Variants in NLRP14 observed in about 807,000 individuals in gnomAD.
NLRP14 encodes the protein NLR family pyrin domain containing 14, also known as NACHT, LRR and PYD domains-containing protein 14.
In NLRP14, 105 loss-of-function variants were observed where a neutral mutation model predicts 94.7. The ratio of observed to expected loss-of-function variants is 1.11; its 90% CI spans 0.95 to 1.30. The LOEUF (loss-of-function observed/expected upper bound fraction) is 1.30, where lower values mean the gene tolerates loss of function less well. Ranked by LOEUF, NLRP14 falls within the 50% of genes most tolerant of loss-of-function variation. The pLI, the probability that NLRP14 is intolerant of heterozygous loss-of-function variation, is 0.00. For missense variants in NLRP14, 1,362 were observed against 1,254.1 expected (o/e 1.09, Z -1.30); for synonymous variants, 508 against 459.9 (o/e 1.10, Z -1.34).
chr11:7,057,571 C>A, intron 6 of NLRP14, 106 bp from the exon 7 acceptor site: 2 of 1,105,798 alleles, frequency 1.8e-6, no homozygotes, highest in Non-Finnish European at 2.7e-6. Flanking sequence ...ATTTTTCAGG[C>A]AAGATTCCAA....
chr11:7,058,926 A>G (rs1397959340), intron 8 of NLRP14, among the ~76,000 whole-genome samples: 1 of 151,944 alleles, frequency 6.6e-6, no homozygotes, highest in Admixed American at 6.6e-5. Flanking sequence ...CCAAGGTTTT[A>G]ATTTGGCCAA....
chr11:7,024,177 A>T (rs751864640), intron 1 of NLRP14, among the ~76,000 whole-genome samples: 4 of 152,230 alleles, frequency 2.6e-5, no homozygotes, highest in Non-Finnish European at 5.9e-5. Context: ...GTATAATTTC[A>T]TTGTAACTCT....
intron 6 of NLRP14, among the ~76,000 whole-genome samples, chr11:7,056,587 C>A (rs1852519781): frequency 6.7e-6 from 1 of 148,934 alleles, no homozygotes; most frequent in Non-Finnish European, 1.5e-5. Context: ...AACTATCAAG[C>A]ATTTAATATT....
intron 5 of NLRP14, 123 bp downstream of exon 5, chr11:7,046,955 A>G (rs1852362185): frequency 1.3e-6 from 1 of 787,800 alleles, no homozygotes; most frequent in Non-Finnish European, 2.2e-6. Flanking sequence ...TTTGTAAAAT[A>G]AACAGGAACA....
At chr11:7,088,844 G>A in the NLRP14 span, among the ~76,000 whole-genome samples, 1 of 152,174 alleles carries the variant, frequency 6.6e-6, no homozygotes, top group Non-Finnish European at 1.5e-5. Context: ...CATTGAAGCC[G>A]TTAAGACCGG....
intron 1 of NLRP14, among the ~76,000 whole-genome samples, chr11:7,026,396 C>A (rs1852014116): frequency 6.6e-6 from 1 of 152,184 alleles, no homozygotes; most frequent in South Asian, 2.1e-4. Context: ...CCAAAAGACA[C>A]ATGAGAAAAT....
chr11:7,083,299 A>G, the NLRP14 span, among the ~76,000 whole-genome samples: 123,098 of 152,246 alleles, frequency 0.81, 50,608 homozygotes, highest in East Asian at 0.94. Context: ...TGCCCATTCC[A>G]ATTCTCTACT....
intron 1 of NLRP14, among the ~76,000 whole-genome samples, chr11:7,024,579 G>A (rs1851988958): frequency 6.6e-6 from 1 of 152,108 alleles, no homozygotes; most frequent in African/African-American, 2.4e-5. Flanking sequence ...GAGGTCTCTG[G>A]AATCTGTGTG....
At chr11:7,023,181 A>G (rs535738213) in intron 1 of NLRP14, among the ~76,000 whole-genome samples, 55 of 151,538 alleles carry the variant, frequency 3.6e-4, no homozygotes, top group African/African-American at 1.3e-3. Flanking sequence ...ACCAGAGAAG[A>G]GGAAAGAATA....
chr11:7,039,777 C>T lies in NLRP14; in HGVS notation c.353C>T (p.Ala118Val), dbSNP rs1057254807. 3.1e-6 allele frequency: 5 copies of T among 1,612,994 alleles called. No homozygotes were observed. The African/African-American group carries it at 6.7e-5, about 22-fold the overall frequency. ...KAGETQEDQE[A>V]VLGDGTEYRN... Reference sequence around the variant, plus strand: ...GGAGAGACACAAGAAGATCAGGAGGCAGTGCTGGGTGAGTAGTTAGGCCTT... The same window carrying T: ...GGAGAGACACAAGAAGATCAGGAGGTAGTGCTGGGTGAGTAGTTAGGCCTT... Residue 118 changes from alanine to valine, a missense_variant, in exon 3 of 12, where the codon GCA becomes GTA. Ala to Val is a moderately conservative substitution (Grantham distance 64). Coordinates refer to ENST00000299481, the MANE Select transcript of NLRP14 (RefSeq NM_176822.4).
At chr11:7,079,626 T>G in the NLRP14 span, among the ~76,000 whole-genome samples, 1 of 152,226 alleles carries the variant, frequency 6.6e-6, no homozygotes, top group African/African-American at 2.4e-5. Context: ...TGCAGTTGGC[T>G]TGTGTTGGAA....
intron 6 of NLRP14, among the ~76,000 whole-genome samples, chr11:7,050,553 A>G (rs561143659): frequency 7.9e-5 from 12 of 152,318 alleles, no homozygotes; most frequent in Non-Finnish European, 1.6e-4. Context: ...AGAAGTTTTT[A>G]TAAGCCCTGG....
downstream of NLRP14, among the ~76,000 whole-genome samples, chr11:7,074,309 T>C (rs1021032890): frequency 1.3e-5 from 2 of 152,196 alleles, no homozygotes; most frequent in Non-Finnish European, 2.9e-5. Context: ...GCATAGGTGA[T>C]ACATAGAGAG....
the NLRP14 span, among the ~76,000 whole-genome samples, chr11:7,079,824 C>T: frequency 2.6e-5 from 4 of 152,190 alleles, no homozygotes; most frequent in East Asian, 3.8e-4. Flanking sequence ...GTCTTTCCCC[C>T]ATTGGCTAGG....
chr11:7,080,458 A>G, the NLRP14 span, among the ~76,000 whole-genome samples: 3 of 152,310 alleles, frequency 2.0e-5, no homozygotes, highest in East Asian at 1.9e-4. Context: ...GTCGTGACCA[A>G]TGCAAGATTA....
the NLRP14 span, among the ~76,000 whole-genome samples, chr11:7,081,013 T>A: frequency 2.0e-5 from 3 of 152,080 alleles, no homozygotes; most frequent in Non-Finnish European, 4.4e-5. Flanking sequence ...ACAGAAATCT[T>A]TCTGGCCCAG....
At chr11:7,078,437 CAAAAAAAA>C in the NLRP14 span, among the ~76,000 whole-genome samples, 1 of 15,370 alleles carries the variant, frequency 6.5e-5, no homozygotes, top group South Asian at 6.7e-3. Flanking sequence ...GACTCTGTCT[CAAAAAAAA>C]AAAAAAAAAA....
the NLRP14 span, chr11:7,089,668 C>G: frequency 1.4e-6 from 2 of 1,459,728 alleles, no homozygotes; most frequent in East Asian, 5.1e-5. Flanking sequence ...AGGGCCCTGG[C>G]CGTGCGGGGG....
rs1688586971 is a variant in NLRP14 at position 7,024,305 on chromosome 11, CG to C, written c.-22+3536del. ...AGGAATTAATGCAGTTTTGTGCTAA[CG>C]TAGTTTTCCAAAAAATACCAAGAGG... On this transcript the variant is annotated intron_variant, in intron 1 of 11. Transcript: ENST00000299481. Among the ~76,000 whole-genome samples, 3 of 152,216 alleles carry C rather than the reference CG, an allele frequency of 2.0e-5. No homozygotes were observed. In the South Asian group the frequency reaches 6.2e-4, roughly 32 times the overall value.
Sources: gnomAD v4.1 joint callset for allele counts (sites outside exome capture counted in the v4.1 genomes callset) on GRCh38, gnomAD v4.1.1 for gene constraint, MANE v1.5 for transcripts, NCBI Gene and HGNC (gene_info 2026-07-23, HGNC 2026-07-21) for gene names.